The following CFAP161 variants were observed in gnomAD, a reference collection of about 807,000 sequenced individuals.
CFAP161 encodes the protein cilia- and flagella-associated protein 161.
Under a neutral mutation model 29.0 loss-of-function variants are expected in CFAP161, and 25 were observed. That is an observed-to-expected ratio of 0.86 (90% CI 0.63 to 1.20). CFAP161 has a LOEUF of 1.20. Among genes scored for constraint, CFAP161 ranks in the 50% most tolerant of loss-of-function variants. The pLI is 0.00. For missense variants in CFAP161, 367 were observed against 371.9 expected (o/e 0.99, Z 0.11); for synonymous variants, 116 against 137.4 (o/e 0.84, Z 1.09).
chr15:81,119,238 T>C (rs1894539135), intron 1 of CFAP161, among the ~76,000 whole-genome samples: 1 of 152,302 alleles, frequency 6.6e-6, no homozygotes, highest in South Asian at 2.1e-4. Flanking sequence ...CTAGCCATGA[T>C]TAAAATCTGA....
At chr15:81,127,476 A>G (rs1163699774) in intron 1 of CFAP161, 1 of 152,208 alleles carries the variant, frequency 6.6e-6, no homozygotes, top group African/African-American at 2.4e-5. Context: ...GGAAACCAAG[A>G]GTACTCAATC....
At chr15:81,142,771 G>A (rs1251808557) in intron 4 of CFAP161, among the ~76,000 whole-genome samples, 5 of 152,260 alleles carry the variant, frequency 3.3e-5, no homozygotes, top group Admixed American at 2.0e-4. Context: ...CATTCAGGGC[G>A]GGGCTGAACC....
In CFAP161 at chr15:81,134,292, TGTCGGAGGGA is replaced by T; in HGVS notation, c.-36_-27del. ...GGCGACGCGCCACGCTAACGCATGGTGTCGGAGGGAGGCCCACTTGCTGAACAGCAGGGAG... is the reference window on the plus strand; with the variant it reads ...GGCGACGCGCCACGCTAACGCATGGTGGCCCACTTGCTGAACAGCAGGGAG... On this transcript the variant is annotated 5_prime_UTR_variant, in exon 1 of 7. Coordinates refer to ENST00000286732, the MANE Select transcript of CFAP161 (RefSeq NM_173528.4). The T allele has an allele frequency of 5.8e-6, 9 of 1,563,700 alleles. No homozygotes were observed. Among genetic ancestry groups the T allele is most frequent in the Non-Finnish European group, 7.8e-6 (9 of 1,153,356 alleles).
In CFAP161 at chr15:81,143,643, T is replaced by A; in HGVS notation, c.478-19T>A. 6.2e-7 allele frequency: 1 copy of A among 1,604,676 alleles called. No homozygotes were observed. The highest frequency in any genetic ancestry group is 8.5e-7 in the Non-Finnish European group (1 of 1,172,846). ...TCACAGAGCTCTGACTTAGTGCATC[T>A]GCTTGCTGTCATTTTCAGTTGTATT... is the stretch of plus-strand genomic sequence containing the variant. On this transcript the variant is annotated intron_variant, in intron 4 of 6. Transcript: ENST00000286732.
At chr15:81,117,803 C>T (rs571591438) in intron 1 of CFAP161, 43 of 316,018 alleles carry the variant, frequency 1.4e-4, no homozygotes, top group South Asian at 1.3e-3. Flanking sequence ...TCTACATCTT[C>T]GTCTTCATCT....
chr15:81,099,865 A>G (rs1012783622), intron 1 of CFAP161, among the ~76,000 whole-genome samples: 3 of 152,104 alleles, frequency 2.0e-5, no homozygotes, highest in Non-Finnish European at 4.4e-5. Flanking sequence ...AGGTAGGTAA[A>G]TCTTCCTCTC....
chr15:81,113,155 T>G (rs1173060458), intron 1 of CFAP161, among the ~76,000 whole-genome samples: 1 of 152,236 alleles, frequency 6.6e-6, no homozygotes, highest in Non-Finnish European at 1.5e-5. Flanking sequence ...GTGAGATGAT[T>G]CTTTATGTTA....
At position 81,148,450 on chromosome 15, in the gene CFAP161, T is replaced by G; in HGVS notation, c.823T>G (p.Ser275Ala). 1 of 1,614,196 alleles carries G rather than the reference T, an allele frequency of 6.2e-7. No individual in the cohort carries two copies. ...GGTTACTGGGAATCCCAGGGATGCC[T>G]CGTCCTCCATGTTGGATCTGCCCAA... ...MLVTGNPRDASSSMLDLPKPP... is the reference protein window; with the variant it reads ...MLVTGNPRDAASSMLDLPKPP... The change falls in exon 7 of 7, where the codon TCG becomes GCG. Residue 275 changes from serine (S) to alanine (A), a missense_variant. Coordinates refer to ENST00000286732, the MANE Select transcript of CFAP161 (RefSeq NM_173528.4).
intron 1 of CFAP161, chr15:81,117,926 C>A: frequency 4.6e-6 from 2 of 434,836 alleles, no homozygotes; most frequent in South Asian, 4.9e-5. Flanking sequence ...GCATCTGAGT[C>A]AGGGGCTTCC....
intron 6 of CFAP161, among the ~76,000 whole-genome samples, 167 bp downstream of exon 6, chr15:81,148,098 C>T (rs192257180): frequency 6.4e-4 from 98 of 152,158 alleles, no homozygotes; most frequent in African/African-American, 2.2e-3. Flanking sequence ...CTATTAGAGC[C>T]CCTTCTTTTA....
At chr15:81,120,377 G>A (rs1285959883) in intron 1 of CFAP161, among the ~76,000 whole-genome samples, 1 of 152,166 alleles carries the variant, frequency 6.6e-6, no homozygotes, top group Non-Finnish European at 1.5e-5. Flanking sequence ...CAAGAGTATG[G>A]AATCAAATTA....
intron 1 of CFAP161, among the ~76,000 whole-genome samples, chr15:81,106,975 A>C (rs753977437): frequency 1.3e-5 from 2 of 152,180 alleles, no homozygotes; most frequent in Non-Finnish European, 2.9e-5. Flanking sequence ...CTGAGGTGGG[A>C]GGATTGCTTG....
At chr15:81,106,159 A>G (rs74977082) in intron 1 of CFAP161, among the ~76,000 whole-genome samples, 9 of 152,352 alleles carry the variant, frequency 5.9e-5, no homozygotes, top group East Asian at 1.9e-4. Flanking sequence ...ATAGATGAGT[A>G]GAAATCACAC....
intron 1 of CFAP161, among the ~76,000 whole-genome samples, chr15:81,124,472 CT>C (rs141509648): frequency 0.57 from 86,738 of 151,772 alleles, 26,053 homozygotes; most frequent in Non-Finnish European, 0.68. Flanking sequence ...ATGAAGTTTT[CT>C]TTTTTTTGTT....
upstream of CFAP161, among the ~76,000 whole-genome samples, chr15:81,133,248 G>A (rs1894748223): frequency 7.6e-6 from 1 of 131,342 alleles, no homozygotes; most frequent in Non-Finnish European, 1.6e-5. Flanking sequence ...AATTGGAGAT[G>A]GGGTCTCACT....
chr15:81,144,800 G>GA (rs904127973), intron 5 of CFAP161, among the ~76,000 whole-genome samples: 3 of 144,322 alleles, frequency 2.1e-5, no homozygotes, highest in African/African-American at 8.1e-5. Context: ...AAAAAAAAAA[G>GA]AAAGAAAAAG....
intron 2 of CFAP161, among the ~76,000 whole-genome samples, chr15:81,129,241 C>T (rs1304984720): frequency 1.3e-5 from 2 of 151,918 alleles, no homozygotes; most frequent in African/African-American, 4.8e-5. Flanking sequence ...CTTTCTTCTT[C>T]CAGTTATAGA....
intron 1 of CFAP161, among the ~76,000 whole-genome samples, chr15:81,125,721 A>G (rs575475935): frequency 1.3e-5 from 2 of 152,326 alleles, no homozygotes; most frequent in South Asian, 2.1e-4. Context: ...AGATTTTACT[A>G]TGTAAACACA....
At chr15:81,136,411 A>T in intron 2 of CFAP161, 105 bp from the exon 3 acceptor site, 1 of 992,430 alleles carries the variant, frequency 1.0e-6, no homozygotes, top group Non-Finnish European at 1.5e-6. Flanking sequence ...TCCAAGTGAA[A>T]TCCTGAATGA....
Sources: allele counts gnomAD v4.1 joint callset (sites outside exome capture counted in the v4.1 genomes callset), GRCh38; gene constraint gnomAD v4.1.1; transcripts MANE v1.5; gene names NCBI Gene and HGNC (gene_info 2026-07-23, HGNC 2026-07-21).